ROBO1: variants seen among roughly 807,000 people sequenced by gnomAD.
ROBO1 encodes roundabout guidance receptor 1.
ROBO1 carries 149 observed loss-of-function variants against 195.9 expected under a neutral mutation model. The observed-to-expected ratio is 0.76, with a 90% CI of 0.67 to 0.87. The LOEUF (loss-of-function observed/expected upper bound fraction) is 0.87. ROBO1 is among the 40% of genes least tolerant of loss of function. The probability of loss-of-function intolerance (pLI) is 0.00; values close to 1 mark genes in which losing one functional copy is unlikely to be tolerated. For missense variants in ROBO1, 1,933 were observed against 2,068.3 expected (o/e 0.93, Z 1.27); for synonymous variants, 816 against 733.2 (o/e 1.11, Z -1.82).
chr3:79,391,838 T>C (rs2036961806), intron 2 of ROBO1, among the ~76,000 whole-genome samples: 1 of 152,144 alleles, frequency 6.6e-6, no homozygotes, highest in Admixed American at 6.5e-5. Flanking sequence ...TCAGCCTTGG[T>C]TCAAACAAAG....
intron 8 of ROBO1, among the ~76,000 whole-genome samples, chr3:78,709,836 GAGATA>G (rs1356848094): frequency 6.6e-6 from 1 of 152,174 alleles, no homozygotes; most frequent in Non-Finnish European, 1.5e-5. Flanking sequence ...GTCACTCTTA[GAGATA>G]ACGGAATGGA....
At chr3:79,060,841 A>T (rs187234233) in intron 3 of ROBO1, among the ~76,000 whole-genome samples, 82 of 152,226 alleles carry the variant, frequency 5.4e-4, no homozygotes, top group Admixed American at 1.9e-3. Flanking sequence ...GTATTGATGG[A>T]CTATATCTCA....
At chr3:78,762,619 A>G (rs750554029) in intron 4 of ROBO1, among the ~76,000 whole-genome samples, 1 of 152,006 alleles carries the variant, frequency 6.6e-6, no homozygotes, top group African/African-American at 2.4e-5. Context: ...CCAGGTCAGA[A>G]CTATAGAGAA....
intron 1 of ROBO1, among the ~76,000 whole-genome samples, chr3:79,640,818 G>A (rs1283504864): frequency 3.3e-5 from 5 of 152,190 alleles, no homozygotes; most frequent in African/African-American, 1.2e-4. Context: ...CTATACAATG[G>A]ATTTTCTCAC....
At chr3:79,156,157 C>T (rs2080854552) in intron 2 of ROBO1, among the ~76,000 whole-genome samples, 1 of 151,460 alleles carries the variant, frequency 6.6e-6, no homozygotes, top group African/African-American at 2.4e-5. Context: ...TTTATTCTGC[C>T]CATCTCTGCT....
At chr3:79,693,175 T>C (rs975559678) in intron 1 of ROBO1, among the ~76,000 whole-genome samples, 21 of 151,828 alleles carry the variant, frequency 1.4e-4, no homozygotes, top group Non-Finnish European at 3.1e-4. Context: ...TACGAGATAA[T>C]ATATGTGTAT....
intron 1 of ROBO1, among the ~76,000 whole-genome samples, chr3:79,725,223 C>CCT (rs1702864555): frequency 9.4e-6 from 1 of 106,508 alleles, no homozygotes; most frequent in Admixed American, 1.2e-4. Context: ...CTCTCTTCTT[C>CCT]TTTTTTTTTT....
In ROBO1 at chr3:78,835,783, A is replaced by AT. The variant is rs1217718532; in HGVS notation, c.500-88884dup. On this transcript the variant is annotated intron_variant, in intron 4 of 30. Coordinates refer to ENST00000464233, the MANE Select transcript of ROBO1 (RefSeq NM_002941.4). The stretch of plus-strand genomic sequence containing the variant: ...CCGCCAAATTGAACATTTTACAGCC[A>AT]TAGTCATATATTTAGGGTTTCAACT... 2.6e-5 allele frequency among the ~76,000 whole-genome samples: 4 copies of AT among 152,212 alleles called. No homozygotes were observed. The East Asian group carries it at 7.7e-4, about 29-fold the overall frequency.
At chr3:78,657,311 T>C (rs758737357) in intron 17 of ROBO1, 42 bp from the exon 18 acceptor site, 4 of 1,598,360 alleles carry the variant, frequency 2.5e-6, no homozygotes, top group Non-Finnish European at 3.4e-6. Context: ...GTAAATTACC[T>C]AAATGAATGC....
At chr3:79,116,063 T>C (rs2079988085) in intron 3 of ROBO1, among the ~76,000 whole-genome samples, 1 of 152,182 alleles carries the variant, frequency 6.6e-6, no homozygotes, top group Non-Finnish European at 1.5e-5. Flanking sequence ...GACAAATTTC[T>C]TGTTTCTTAC....
intron 3 of ROBO1, among the ~76,000 whole-genome samples, chr3:78,964,996 A>G (rs1433307240): frequency 6.6e-6 from 1 of 151,928 alleles, no homozygotes. Context: ...CGCAAAAAAT[A>G]TTGTCAATTT....
chr3:78,633,209 G>A (rs1705286054), intron 24 of ROBO1, among the ~76,000 whole-genome samples: 1 of 152,124 alleles, frequency 6.6e-6, no homozygotes, highest in South Asian at 2.1e-4. Flanking sequence ...AAGATCAGTC[G>A]GTTTTGTTCT....
At chr3:79,115,805 C>T (rs925932743) in intron 3 of ROBO1, among the ~76,000 whole-genome samples, 4 of 152,160 alleles carry the variant, frequency 2.6e-5, no homozygotes, top group African/African-American at 9.7e-5. Context: ...TACCATACTT[C>T]CGTGCGTAGC....
rs1559626740 is a variant in ROBO1, at chr3:78,598,810, C to T, written c.*103G>A. The stretch of plus-strand genomic sequence containing the variant: ...AGGAATAAAAACGACAATTTGTACA[C>T]TCTGATTGCACTGAACATTTTATCT... On this transcript the variant is annotated 3_prime_UTR_variant, in exon 31 of 31. Coordinates refer to ENST00000464233, the MANE Select transcript of ROBO1 (RefSeq NM_002941.4). 4.3e-6 allele frequency: 3 copies of T among 697,658 alleles called. No homozygotes were observed. The highest frequency in any genetic ancestry group is 3.6e-5 in the African/African-American group (2 of 55,268). 43.2% of individuals were successfully genotyped at this position (697,658 alleles called of 1,614,324 possible).
chr3:78,872,578 C>T (rs925631691), intron 4 of ROBO1, among the ~76,000 whole-genome samples: 4 of 152,142 alleles, frequency 2.6e-5, no homozygotes, highest in African/African-American at 4.8e-5. Flanking sequence ...CATTAACTGC[C>T]TTTGCAACCC....
chr3:79,022,167 C>G (rs931410636), intron 3 of ROBO1, among the ~76,000 whole-genome samples: 5 of 152,144 alleles, frequency 3.3e-5, no homozygotes, highest in Non-Finnish European at 5.9e-5. Context: ...GAAGGCATTA[C>G]GGATCTATAA....
chr3:79,720,884 C>T (rs1312604263), intron 1 of ROBO1, among the ~76,000 whole-genome samples: 2 of 151,680 alleles, frequency 1.3e-5, no homozygotes, highest in Non-Finnish European at 2.9e-5. Context: ...GCTCCGCCTC[C>T]CAGGTTCACG....
At chr3:79,397,667 A>G (rs1315591736) in intron 2 of ROBO1, among the ~76,000 whole-genome samples, 1 of 152,208 alleles carries the variant, frequency 6.6e-6, no homozygotes, top group Non-Finnish European at 1.5e-5. Flanking sequence ...TAAGCCTGGG[A>G]TATAGTACAC....
At chr3:79,018,380 G>C in intron 3 of ROBO1, 2 of 1,613,534 alleles carry the variant, frequency 1.2e-6, no homozygotes, top group Non-Finnish European at 1.7e-6. Context: ...GGAGGATCAA[G>C]GGTGAAGAAA....
Sources: gnomAD v4.1 joint callset for allele counts (sites outside exome capture counted in the v4.1 genomes callset) on GRCh38, gnomAD v4.1.1 for gene constraint, MANE v1.5 for transcripts, NCBI Gene and HGNC (gene_info 2026-07-23, HGNC 2026-07-21) for gene names.